Variants in SUSD6 observed in about 807,000 individuals in gnomAD.
SUSD6 encodes the protein sushi domain containing 6.
Under a neutral mutation model 28.4 loss-of-function variants are expected in SUSD6, and 16 were observed. The ratio of observed to expected loss-of-function variants is 0.56; its 90% CI spans 0.38 to 0.86. The LOEUF (loss-of-function observed/expected upper bound fraction) is 0.86. Among genes scored for constraint, SUSD6 ranks in the 40% least tolerant of loss-of-function variants. The pLI, the probability that SUSD6 is intolerant of heterozygous loss-of-function variation, is 0.00. For synonymous variants in SUSD6, 147 were observed against 159.6 expected (o/e 0.92, Z 0.59); for missense variants, 341 against 384.2 (o/e 0.89, Z 0.94).
At chr14:69,641,658 T>C (rs1171246041) in intron 1 of SUSD6, among the ~76,000 whole-genome samples, 3 of 152,156 alleles carry the variant, frequency 2.0e-5, no homozygotes, top group Non-Finnish European at 4.4e-5. Flanking sequence ...GCTGTGATCA[T>C]AGCTCGTTGC....
intron 2 of SUSD6, among the ~76,000 whole-genome samples, chr14:69,661,796 C>CT (rs1470190642): frequency 6.6e-6 from 1 of 152,044 alleles, no homozygotes; most frequent in Non-Finnish European, 1.5e-5. Context: ...TCTTGTGTTT[C>CT]TTTTTTCTTT....
intron 2 of SUSD6, among the ~76,000 whole-genome samples, chr14:69,688,470 C>T (rs983627762): frequency 6.6e-6 from 1 of 152,210 alleles, no homozygotes; most frequent in Non-Finnish European, 1.5e-5. Context: ...GCTGTTAGAA[C>T]CAGGACCTGG....
chr14:69,660,861 G>T (rs545116437), intron 2 of SUSD6, among the ~76,000 whole-genome samples: 3 of 152,240 alleles, frequency 2.0e-5, no homozygotes, highest in Non-Finnish European at 4.4e-5. Flanking sequence ...TGCTGCAGTG[G>T]CAGAGTTGAG....
At chr14:69,691,595 T>A (rs1886153783) in intron 2 of SUSD6, among the ~76,000 whole-genome samples, 6 of 152,224 alleles carry the variant, frequency 3.9e-5, no homozygotes, top group Admixed American at 3.9e-4. Flanking sequence ...TGGGAGTATG[T>A]GGCAGAGGCT....
At chr14:69,699,838 GAAAA>G (rs1338654640) in intron 2 of SUSD6, among the ~76,000 whole-genome samples, 1 of 152,002 alleles carries the variant, frequency 6.6e-6, no homozygotes, top group East Asian at 1.9e-4. Context: ...GGGTCCCAGA[GAAAA>G]TGGGTTGCAC....
chr14:69,668,782 C>T (rs1885784342), intron 2 of SUSD6, among the ~76,000 whole-genome samples: 2 of 151,902 alleles, frequency 1.3e-5, no homozygotes, highest in Admixed American at 1.3e-4. Flanking sequence ...TGGGCGATCC[C>T]CTTGATGGTG....
At chr14:69,669,363 C>T (rs1167907082) in intron 2 of SUSD6, among the ~76,000 whole-genome samples, 2 of 152,116 alleles carry the variant, frequency 1.3e-5, no homozygotes, top group African/African-American at 4.8e-5. Context: ...CTCCTGGCCT[C>T]AAGTATTTCT....
intron 1 of SUSD6, among the ~76,000 whole-genome samples, chr14:69,624,975 A>C (rs1885093996): frequency 6.6e-6 from 1 of 152,240 alleles, no homozygotes; most frequent in African/African-American, 2.4e-5. Context: ...ATTACATTTA[A>C]AAGTACTCCC....
chr14:69,662,286 TTGTC>T (rs1885674336), intron 2 of SUSD6, among the ~76,000 whole-genome samples: 1 of 152,172 alleles, frequency 6.6e-6, no homozygotes, highest in Non-Finnish European at 1.5e-5. Context: ...TGGAGACAAT[TTGTC>T]TGCATCGTCT....
chr14:69,670,215 T>C (rs761912746), intron 2 of SUSD6, among the ~76,000 whole-genome samples: 12 of 152,182 alleles, frequency 7.9e-5, no homozygotes, highest in African/African-American at 2.7e-4. Context: ...AAGTTAATCA[T>C]ATGTAGTAAG....
At chr14:69,665,256 T>C (rs1305429167) in intron 2 of SUSD6, among the ~76,000 whole-genome samples, 1 of 152,158 alleles carries the variant, frequency 6.6e-6, no homozygotes, top group African/African-American at 2.4e-5. Context: ...ACTTTTTTTT[T>C]CTGAGACAGG....
intron 2 of SUSD6, among the ~76,000 whole-genome samples, chr14:69,686,761 G>A (rs541115347): frequency 1.3e-5 from 2 of 152,100 alleles, no homozygotes; most frequent in East Asian, 1.9e-4. Context: ...AAAGACCTGC[G>A]CCCATGATTC....
intron 1 of SUSD6, among the ~76,000 whole-genome samples, chr14:69,629,433 A>G (rs1215330892): frequency 1.3e-5 from 2 of 152,154 alleles, no homozygotes; most frequent in Non-Finnish European, 2.9e-5. Flanking sequence ...AGCAAAGGCA[A>G]CATTATCTGC....
At chr14:69,660,380 G>A (rs1426747618) in intron 2 of SUSD6, among the ~76,000 whole-genome samples, 4 of 152,080 alleles carry the variant, frequency 2.6e-5, no homozygotes, top group Non-Finnish European at 4.4e-5. Flanking sequence ...CTTAACCCAA[G>A]CCTTTTCCCC....
At chr14:69,700,888 T>G (rs1482197831) in intron 2 of SUSD6, among the ~76,000 whole-genome samples, 1 of 152,218 alleles carries the variant, frequency 6.6e-6, no homozygotes, top group Non-Finnish European at 1.5e-5. Flanking sequence ...GAGTCTGTTT[T>G]TTTTGTTTTG....
intron 2 of SUSD6, among the ~76,000 whole-genome samples, chr14:69,691,145 C>T (rs1034037686): frequency 1.3e-5 from 2 of 152,286 alleles, no homozygotes; most frequent in South Asian, 4.1e-4. Flanking sequence ...AGTTCAAGAC[C>T]AGCCCAGGCA....
At chr14:69,656,424 G>A (rs1314604127) in intron 1 of SUSD6, among the ~76,000 whole-genome samples, 1 of 152,174 alleles carries the variant, frequency 6.6e-6, no homozygotes, top group Non-Finnish European at 1.5e-5. Flanking sequence ...AGGGTTACCT[G>A]GTGTGACTGC....
chr14:69,696,161 G>C (rs993020891), intron 2 of SUSD6, among the ~76,000 whole-genome samples: 9 of 152,250 alleles, frequency 5.9e-5, no homozygotes, highest in African/African-American at 2.2e-4. Context: ...GCTTAACTGA[G>C]TGGTCAGGCT....
At chr14:69,666,206 CAT>C (rs1354318684) in intron 2 of SUSD6, among the ~76,000 whole-genome samples, 4 of 152,158 alleles carry the variant, frequency 2.6e-5, no homozygotes, top group African/African-American at 9.7e-5. Context: ...TCAAATAACA[CAT>C]GTTGGTTTCC....
Sources: gnomAD v4.1 joint callset for allele counts (sites outside exome capture counted in the v4.1 genomes callset) on GRCh38, gnomAD v4.1.1 for gene constraint, MANE v1.5 for transcripts, NCBI Gene and HGNC (gene_info 2026-07-23, HGNC 2026-07-21) for gene names.